The following DNAH6 variants were observed in gnomAD, a reference collection of about 807,000 sequenced individuals.
The protein encoded by DNAH6 is axonemal beta dynein heavy chain 6.
In DNAH6, 340 loss-of-function variants were observed where a neutral mutation model predicts 491.4. The observed-to-expected ratio is 0.69, with a 90% CI of 0.63 to 0.76. DNAH6 has a LOEUF of 0.76. DNAH6 is among the 30% of genes least tolerant of loss of function. The pLI is 0.00. For missense variants in DNAH6, 4,443 were observed against 4,972.2 expected, an observed-to-expected ratio of 0.89 and a Z score of 3.20; for synonymous variants, 1,603 against 1,686.1, an observed-to-expected ratio of 0.95 and a Z score of 1.21.
At position 84,720,602 on chromosome 2, in the gene DNAH6, A is replaced by G. The variant is rs1245128669; in HGVS notation, c.9793-2023A>G. Among the ~76,000 whole-genome samples the G allele has an allele frequency of 4.6e-5, 7 of 151,988 alleles. No homozygotes were observed. In the East Asian group the frequency reaches 1.4e-3, roughly 29 times the overall value. On this transcript the variant is annotated intron_variant, in intron 59 of 76. Transcript: ENST00000389394. ...CGAGTGCTTCTTGCTACTAATTCTT[A>G]AGCCTTTGAGGAGGATTATTTTTAT...
At chr2:84,794,451 A>T (rs1678114405) in intron 68 of DNAH6, among the ~76,000 whole-genome samples, 1 of 151,304 alleles carries the variant, frequency 6.6e-6, no homozygotes, top group African/African-American at 2.4e-5. Context: ...TAATATCCAG[A>T]ATCTACAATG....
intron 44 of DNAH6, among the ~76,000 whole-genome samples, chr2:84,687,146 C>A (rs1317536745): frequency 1.3e-5 from 2 of 152,162 alleles, no homozygotes; most frequent in Non-Finnish European, 2.9e-5. Context: ...CTGCAATACT[C>A]TCTGTCTAAT....
intron 29 of DNAH6, among the ~76,000 whole-genome samples, chr2:84,633,925 G>A (rs1255651192): frequency 6.6e-6 from 1 of 152,036 alleles, no homozygotes; most frequent in Non-Finnish European, 1.5e-5. Context: ...TAGATATATG[G>A]TATAATGCAA....
chr2:84,754,695 A>G (rs1218778676), intron 63 of DNAH6, among the ~76,000 whole-genome samples: 2 of 152,224 alleles, frequency 1.3e-5, no homozygotes, highest in East Asian at 3.8e-4. Flanking sequence ...GCTTTGAAGT[A>G]AGTTTTACAA....
intron 41 of DNAH6, among the ~76,000 whole-genome samples, chr2:84,680,867 C>T (rs1164965833): frequency 6.6e-6 from 1 of 152,124 alleles, no homozygotes; most frequent in African/African-American, 2.4e-5. Context: ...GACTTCCAAG[C>T]TCCTGATCTA....
At chr2:84,817,434 G>A (rs1680599872) in intron 76 of DNAH6, among the ~76,000 whole-genome samples, 1 of 152,136 alleles carries the variant, frequency 6.6e-6, no homozygotes, top group South Asian at 2.1e-4. Flanking sequence ...ACATACAGAG[G>A]CGCTAAATTA....
At chr2:84,731,755 A>G (rs770872985) in intron 61 of DNAH6, among the ~76,000 whole-genome samples, 1 of 152,238 alleles carries the variant, frequency 6.6e-6, no homozygotes, top group Non-Finnish European at 1.5e-5. Context: ...GAGACACAAC[A>G]TTATAAGCCA....
At chr2:84,813,690 G>A (rs1012545116) in intron 74 of DNAH6, among the ~76,000 whole-genome samples, 3 of 152,202 alleles carry the variant, frequency 2.0e-5, no homozygotes, top group Non-Finnish European at 4.4e-5. Context: ...CTGCCTCACT[G>A]GTTTGTCTCC....
Position 84,772,071 on chromosome 2 carries a change from AAG to A in DNAH6, c.10703+9131_10703+9132del, listed in dbSNP as rs199953231. 5.2e-3 allele frequency among the ~76,000 whole-genome samples: 789 copies of A among 152,324 alleles called. 8 individuals are homozygous for A. The highest frequency in any genetic ancestry group is 0.018 in the African/African-American group (749 of 41,586). ...ATAGTTTGTGACACAATAACAACAC[AAG>A]AGAGGGCAGAGCTATGTAGTAGCAA... On this transcript the variant is annotated intron_variant, in intron 64 of 76. Coordinates refer to ENST00000389394, the MANE Select transcript of DNAH6 (RefSeq NM_001370.2).
chr2:84,695,877 T>C (rs1695333938), intron 46 of DNAH6, among the ~76,000 whole-genome samples: 1 of 152,070 alleles, frequency 6.6e-6, no homozygotes, highest in Admixed American at 6.5e-5. Flanking sequence ...TCAAGTCATA[T>C]TGTGTTGCTT....
chr2:84,514,538 A>G (rs1165184793), upstream of DNAH6, among the ~76,000 whole-genome samples: 1 of 152,196 alleles, frequency 6.6e-6, no homozygotes, highest in Non-Finnish European at 1.5e-5. Context: ...GTGAGTAACC[A>G]TTTGTAACCT....
At chr2:84,542,114 T>C (rs1408357800) in intron 4 of DNAH6, among the ~76,000 whole-genome samples, 1 of 152,124 alleles carries the variant, frequency 6.6e-6, no homozygotes, top group African/African-American at 2.4e-5. Context: ...CAAGTTAGAA[T>C]TCAACATCAT....
At chr2:84,608,808 A>G (rs922024484) in intron 21 of DNAH6, among the ~76,000 whole-genome samples, 4 of 152,186 alleles carry the variant, frequency 2.6e-5, no homozygotes, top group African/African-American at 9.7e-5. Flanking sequence ...TGAATCTTTG[A>G]AGCCAGGCAT....
the DNAH6 span, among the ~76,000 whole-genome samples, chr2:84,494,278 A>C: frequency 1.3e-5 from 2 of 152,164 alleles, no homozygotes; most frequent in Admixed American, 6.5e-5. Context: ...TGGGACCATC[A>C]ATGTTGATTT....
chr2:84,517,713 G>A, intron 1 of DNAH6, 106 bp from the exon 2 acceptor site: 1 of 807,468 alleles, frequency 1.2e-6, no homozygotes, highest in Non-Finnish European at 1.9e-6. Flanking sequence ...TGAGGGAAGT[G>A]AGCGAATTCA....
At chr2:84,613,144 A>T (rs7557056) in intron 22 of DNAH6, among the ~76,000 whole-genome samples, 77,841 of 149,402 alleles carry the variant, frequency 0.52, 20,330 homozygotes, top group East Asian at 0.7. Flanking sequence ...AGAGAGAGAG[A>T]GTGTGTGTGT....
chr2:84,761,225 A>C (rs1414657456), intron 63 of DNAH6, among the ~76,000 whole-genome samples: 1 of 152,204 alleles, frequency 6.6e-6, no homozygotes, highest in African/African-American at 2.4e-5. Flanking sequence ...AGACACAGAA[A>C]GGCAAATATC....
At chr2:84,465,233 C>T in the DNAH6 span, among the ~76,000 whole-genome samples, 3 of 152,172 alleles carry the variant, frequency 2.0e-5, no homozygotes, top group Non-Finnish European at 2.9e-5. Context: ...TGGTGGCTAA[C>T]GCCTGTAATC....
intron 52 of DNAH6, 97 bp from the exon 53 acceptor site, chr2:84,706,799 A>C (rs1662138413): frequency 7.3e-7 from 1 of 1,375,692 alleles, no homozygotes; most frequent in Non-Finnish European, 9.6e-7. Flanking sequence ...ACATGAAAAG[A>C]GGAACATATA....
Sources: gnomAD v4.1 joint callset for allele counts (sites outside exome capture counted in the v4.1 genomes callset) on GRCh38, gnomAD v4.1.1 for gene constraint, MANE v1.5 for transcripts, NCBI Gene and HGNC (gene_info 2026-07-23, HGNC 2026-07-21) for gene names.